Variants in PRKG1 observed in about 807,000 individuals in gnomAD.
The protein encoded by PRKG1 is cGMP-dependent protein kinase 1.
PRKG1 carries 35 observed loss-of-function variants against 88.1 expected under a neutral mutation model. That is an observed-to-expected ratio of 0.40 (90% confidence interval 0.30 to 0.53). The LOEUF is 0.53. PRKG1 is among the 20% of genes least tolerant of loss of function. PRKG1 has a pLI of 0.59. For synonymous variants in PRKG1, 303 were observed against 292.5 expected, an observed-to-expected ratio of 1.04 and a Z score of -0.37; for missense variants, 540 against 839.8, an observed-to-expected ratio of 0.64 and a Z score of 4.41.
chr10:52,051,832 A>T (rs1327253164), intron 5 of PRKG1, among the ~76,000 whole-genome samples: 2 of 152,138 alleles, frequency 1.3e-5, no homozygotes, highest in Non-Finnish European at 1.5e-5. Flanking sequence ...GAGCACACAT[A>T]GCTGTTTACT....
At chr10:51,286,237 C>T (rs754748281) in intron 2 of PRKG1, among the ~76,000 whole-genome samples, 1 of 152,180 alleles carries the variant, frequency 6.6e-6, no homozygotes, top group Non-Finnish European at 1.5e-5. Flanking sequence ...TCCCAAAGTG[C>T]TGGGATTACG....
intron 5 of PRKG1, among the ~76,000 whole-genome samples, chr10:52,042,718 A>G (rs980168705): frequency 5.9e-5 from 9 of 152,184 alleles, no homozygotes; most frequent in Admixed American, 5.2e-4. Context: ...AAAAATAAAC[A>G]AATGAGATTA....
At chr10:51,533,376 G>A (rs1692006022) in intron 3 of PRKG1, among the ~76,000 whole-genome samples, 1 of 152,162 alleles carries the variant, frequency 6.6e-6, no homozygotes, top group South Asian at 2.1e-4. Context: ...GAAAAGATCA[G>A]ATAATTTGCC....
chr10:52,148,177 C>T (rs189379003), intron 8 of PRKG1, among the ~76,000 whole-genome samples: 16 of 152,306 alleles, frequency 1.1e-4, no homozygotes, highest in African/African-American at 3.6e-4. Flanking sequence ...TTAGCCTTGT[C>T]ACTTATGTAT....
At chr10:52,061,553 A>G (rs1055829569) in intron 6 of PRKG1, among the ~76,000 whole-genome samples, 2 of 152,124 alleles carry the variant, frequency 1.3e-5, no homozygotes, top group African/African-American at 4.8e-5. Flanking sequence ...GCAACAAAAA[A>G]CATTATCACT....
chr10:51,999,249 C>G (rs769462744), intron 5 of PRKG1, among the ~76,000 whole-genome samples: 27 of 152,302 alleles, frequency 1.8e-4, no homozygotes, highest in Non-Finnish European at 3.2e-4. Flanking sequence ...CTTCCAAATA[C>G]AAGTTGAGGG....
chr10:51,173,103 CA>C (rs1837088315), intron 2 of PRKG1, among the ~76,000 whole-genome samples: 2 of 151,964 alleles, frequency 1.3e-5, no homozygotes, highest in African/African-American at 2.4e-5. Context: ...ATCACATACA[CA>C]AAACTTTATT....
chr10:51,268,284 A>T (rs1444246335), intron 2 of PRKG1, among the ~76,000 whole-genome samples: 3 of 152,168 alleles, frequency 2.0e-5, no homozygotes, highest in Non-Finnish European at 2.9e-5. Context: ...ATAACATCTT[A>T]TCAGGAGACA....
intron 3 of PRKG1, among the ~76,000 whole-genome samples, chr10:51,529,621 C>G (rs1260523731): frequency 6.6e-6 from 1 of 152,114 alleles, no homozygotes; most frequent in Non-Finnish European, 1.5e-5. Flanking sequence ...ACTCAGGTTT[C>G]TGCACAAATG....
chr10:52,090,338 A>T (rs1266584315), intron 7 of PRKG1, among the ~76,000 whole-genome samples: 17 of 152,340 alleles, frequency 1.1e-4, no homozygotes, highest in Non-Finnish European at 1.8e-4. Flanking sequence ...TTGTGTAACA[A>T]AATAAATTAT....
rs66475706 is a variant in PRKG1 at position 51,053,778 on chromosome 10, G to GT, written c.266+62148dup. 3.2e-3 allele frequency among the ~76,000 whole-genome samples: 461 copies of GT among 144,994 alleles called. 2 individuals carry two copies. Among genetic ancestry groups the GT allele is most frequent in the Non-Finnish European group, 4.5e-3 (295 of 66,164 alleles). On this transcript the variant is annotated intron_variant, in intron 1 of 17. Coordinates refer to the PRKG1 transcript ENST00000401604. Reference sequence around the variant, plus strand: ...TGTTCAGTAGTTATGGGTTTTTTTTGTTTTTTTTTTTTTTAACTTTTGAAT... The same window carrying GT: ...TGTTCAGTAGTTATGGGTTTTTTTTGTTTTTTTTTTTTTTTAACTTTTGAAT...
At chr10:51,550,129 AGG>A (rs1837089274) in intron 3 of PRKG1, among the ~76,000 whole-genome samples, 2 of 152,092 alleles carry the variant, frequency 1.3e-5, no homozygotes, top group African/African-American at 4.8e-5. Context: ...AGTCTCTACT[AGG>A]AACTACAGGA....
At chr10:51,775,774 G>A (rs868276988) in intron 3 of PRKG1, among the ~76,000 whole-genome samples, 1 of 151,804 alleles carries the variant, frequency 6.6e-6, no homozygotes, top group Non-Finnish European at 1.5e-5. Context: ...ATAGAGACAG[G>A]GGTTTCACCA....
intron 1 of PRKG1, among the ~76,000 whole-genome samples, chr10:51,095,917 T>G (rs1405028195): frequency 6.6e-6 from 1 of 152,176 alleles, no homozygotes; most frequent in Non-Finnish European, 1.5e-5. Flanking sequence ...GCTAAAAGGA[T>G]CTGGAAAACT....
At chr10:51,707,809 A>G (rs1222067598) in intron 3 of PRKG1, among the ~76,000 whole-genome samples, 1 of 152,214 alleles carries the variant, frequency 6.6e-6, no homozygotes, top group Non-Finnish European at 1.5e-5. Context: ...GTTTAACAGA[A>G]TATATTTTAG....
chr10:51,784,281 C>A (rs553943800), intron 3 of PRKG1, among the ~76,000 whole-genome samples: 1 of 151,934 alleles, frequency 6.6e-6, no homozygotes, highest in African/African-American at 2.4e-5. Flanking sequence ...TTGTGTCTAG[C>A]GTGGAGATGA....
intron 10 of PRKG1, among the ~76,000 whole-genome samples, chr10:52,266,124 AC>A (rs1841563570): frequency 6.6e-6 from 1 of 151,816 alleles, no homozygotes; most frequent in Non-Finnish European, 1.5e-5. Context: ...GAACCCAATT[AC>A]CCCTATTATT....
intron 2 of PRKG1, among the ~76,000 whole-genome samples, chr10:51,294,062 TAG>T (rs746708145): frequency 7.9e-5 from 12 of 152,120 alleles, no homozygotes; most frequent in South Asian, 4.1e-4. Flanking sequence ...TAAGTTTTAA[TAG>T]AGTTTCTTTT....
At chr10:51,001,566 C>T (rs563188394) in intron 1 of PRKG1, among the ~76,000 whole-genome samples, 12 of 151,936 alleles carry the variant, frequency 7.9e-5, no homozygotes, top group African/African-American at 2.4e-4. Context: ...CTTTGTTAAA[C>T]GAGAAAAATA....
Sources: allele counts gnomAD v4.1 joint callset (sites outside exome capture counted in the v4.1 genomes callset), GRCh38; gene constraint gnomAD v4.1.1; transcripts MANE v1.5; gene names NCBI Gene and HGNC (gene_info 2026-07-23, HGNC 2026-07-21).